SLCO5A1: variants seen among roughly 807,000 people sequenced by gnomAD.
The protein encoded by SLCO5A1 is solute carrier organic anion transporter family member 5A1.
In SLCO5A1, 39 loss-of-function variants were observed where a neutral mutation model predicts 65.1. That is an observed-to-expected ratio of 0.60 (90% CI 0.46 to 0.78). The LOEUF (loss-of-function observed/expected upper bound fraction) is 0.78, where lower values mean the gene tolerates loss of function less well. Among genes scored for constraint, SLCO5A1 ranks in the 30% least tolerant of loss-of-function variants. The pLI, the probability that SLCO5A1 is intolerant of heterozygous loss-of-function variation, is 0.00. For missense variants in SLCO5A1, 1,029 were observed against 1,069.4 expected (o/e 0.96, Z 0.53); for synonymous variants, 438 against 415.7 (o/e 1.05, Z -0.65).
Position 69,802,366 on chromosome 8 carries a change from C to T in SLCO5A1, c.907+29401G>A, listed in dbSNP as rs112106908. Among the ~76,000 whole-genome samples, 336 of 151,894 alleles carry T rather than the reference C, an allele frequency of 2.2e-3. 1 individual carries two copies. The highest frequency in any genetic ancestry group is 3.9e-3 in the Non-Finnish European group (265 of 67,958). On this transcript the variant is annotated intron_variant, in intron 2 of 9. Transcript: ENST00000260126. ...AAAATAATGAACCGAATTAGCCAGG[C>T]GTGGTGGCGCATGCCTGCAGTCCCA...
chr8:69,704,485 G>C (rs1332080130), intron 6 of SLCO5A1, among the ~76,000 whole-genome samples: 2 of 152,172 alleles, frequency 1.3e-5, no homozygotes, highest in African/African-American at 4.8e-5. Context: ...AAGCATGTAT[G>C]AATGCTCTAT....
At chr8:69,724,093 G>A (rs1323715999) in intron 5 of SLCO5A1, among the ~76,000 whole-genome samples, 1 of 152,152 alleles carries the variant, frequency 6.6e-6, no homozygotes, top group Non-Finnish European at 1.5e-5. Context: ...TTTAGTAACA[G>A]CAGTATATGC....
intron 5 of SLCO5A1, among the ~76,000 whole-genome samples, chr8:69,710,967 G>A (rs1815215971): frequency 6.6e-6 from 1 of 151,976 alleles, no homozygotes; most frequent in African/African-American, 2.4e-5. Flanking sequence ...CGCGTCTTGG[G>A]ACGAGCAGCA....
chr8:69,754,543 A>T (rs553180938), intron 4 of SLCO5A1, among the ~76,000 whole-genome samples: 3 of 152,342 alleles, frequency 2.0e-5, no homozygotes, highest in African/African-American at 7.2e-5. Context: ...TACTTGATAA[A>T]TATTATGCTT....
Position 69,669,956 on chromosome 8 carries a change from T to C in SLCO5A1, c.*2913A>G, listed in dbSNP as rs1430871911. On this transcript the variant is annotated 3_prime_UTR_variant, in exon 10 of 10. Coordinates refer to ENST00000260126, the MANE Select transcript of SLCO5A1 (RefSeq NM_030958.3). The stretch of plus-strand genomic sequence containing the variant: ...TAATTTTTTTCCTCTCTGTTCCTCC[T>C]TTCTCTCCATCCCCAACACCTTGAC... 6.6e-6 allele frequency: 1 copy of C among 152,202 alleles called. No individual in the cohort carries two copies. The highest frequency in any genetic ancestry group is 1.9e-4 in the East Asian group (1 of 5,208). 9.4% of individuals were successfully genotyped at this position (152,202 alleles called of 1,614,324 possible). A position where few individuals can be genotyped will look rare whatever the true frequency, so the allele number is the denominator to read the frequency against.
At chr8:69,764,900 C>T (rs992869248) in intron 2 of SLCO5A1, among the ~76,000 whole-genome samples, 1 of 152,186 alleles carries the variant, frequency 6.6e-6, no homozygotes, top group African/African-American at 2.4e-5. Context: ...GTGCACCTGA[C>T]TGCAACATCT....
At chr8:69,811,711 C>A (rs561529969) in intron 2 of SLCO5A1, among the ~76,000 whole-genome samples, 5 of 152,186 alleles carry the variant, frequency 3.3e-5, no homozygotes, top group African/African-American at 4.8e-5. Context: ...TCTTCCTGAA[C>A]GGAATTAAAT....
intron 6 of SLCO5A1, among the ~76,000 whole-genome samples, chr8:69,687,589 A>G (rs903959767): frequency 3.3e-5 from 5 of 152,180 alleles, no homozygotes; most frequent in African/African-American, 7.2e-5. Context: ...TTAAAGTAAT[A>G]CATACTCATT....
chr8:69,813,870 C>G (rs1176588389), intron 2 of SLCO5A1, among the ~76,000 whole-genome samples: 1 of 152,156 alleles, frequency 6.6e-6, no homozygotes, highest in African/African-American at 2.4e-5. Context: ...CTTCTCCCTC[C>G]CCTCTTTGTA....
At chr8:69,741,945 G>A (rs2130846829) in intron 4 of SLCO5A1, among the ~76,000 whole-genome samples, 1 of 152,282 alleles carries the variant, frequency 6.6e-6, no homozygotes, top group Middle Eastern at 3.4e-3. Flanking sequence ...GGACATCATG[G>A]GCATTATTGG....
chr8:69,724,131 G>A (rs966084736), intron 5 of SLCO5A1, among the ~76,000 whole-genome samples: 14 of 152,070 alleles, frequency 9.2e-5, no homozygotes, highest in African/African-American at 3.1e-4. Context: ...ACTACAATAT[G>A]TAAGCATTCA....
intron 6 of SLCO5A1, among the ~76,000 whole-genome samples, chr8:69,692,777 ATGGAGC>A (rs1814328643): frequency 1.3e-5 from 2 of 152,182 alleles, no homozygotes; most frequent in South Asian, 4.1e-4. Flanking sequence ...CATAACATGC[ATGGAGC>A]TGTCATCTCC....
chr8:69,770,532 G>A (rs771440878), intron 2 of SLCO5A1, among the ~76,000 whole-genome samples: 11 of 151,994 alleles, frequency 7.2e-5, no homozygotes, highest in African/African-American at 2.4e-4. Context: ...CGCCCCTGTC[G>A]CAAATCCATT....
chr8:69,810,753 A>G (rs1055787067), intron 2 of SLCO5A1, among the ~76,000 whole-genome samples: 1 of 152,234 alleles, frequency 6.6e-6, no homozygotes, highest in African/African-American at 2.4e-5. Context: ...ACAAAGTATA[A>G]TTTGACCTTG....
chr8:69,674,992 A>T (rs1021582867), intron 9 of SLCO5A1, among the ~76,000 whole-genome samples: 5 of 151,422 alleles, frequency 3.3e-5, no homozygotes, highest in African/African-American at 1.2e-4. Flanking sequence ...GAGAACTGAG[A>T]TTGTGCCACT....
intron 2 of SLCO5A1, among the ~76,000 whole-genome samples, chr8:69,824,097 T>A (rs1274421356): frequency 6.6e-6 from 1 of 151,916 alleles, no homozygotes; most frequent in Non-Finnish European, 1.5e-5. Flanking sequence ...AGACACAACA[T>A]ACCAGAATCT....
At chr8:69,718,967 G>A (rs182756896) in intron 5 of SLCO5A1, among the ~76,000 whole-genome samples, 1 of 152,174 alleles carries the variant, frequency 6.6e-6, no homozygotes, top group East Asian at 1.9e-4. Flanking sequence ...ATTGACAAGG[G>A]GCCATTTGAG....
intron 5 of SLCO5A1, among the ~76,000 whole-genome samples, chr8:69,718,126 C>T (rs1815641921): frequency 6.6e-6 from 1 of 152,108 alleles, no homozygotes; most frequent in Non-Finnish European, 1.5e-5. Flanking sequence ...AAATCTGCTC[C>T]TAAATAACTC....
chr8:69,737,959 A>G, intron 5 of SLCO5A1, 81 bp downstream of exon 5: 2 of 1,461,906 alleles, frequency 1.4e-6, no homozygotes, highest in Non-Finnish European at 1.9e-6. Flanking sequence ...CTTCGATGTT[A>G]GATTGAACTT....
Sources: gnomAD v4.1 joint callset for allele counts (sites outside exome capture counted in the v4.1 genomes callset) on GRCh38, gnomAD v4.1.1 for gene constraint, MANE v1.5 for transcripts, NCBI Gene and HGNC (gene_info 2026-07-23, HGNC 2026-07-21) for gene names.